Variants in CACNA1A observed in about 807,000 individuals in gnomAD.
CACNA1A encodes calcium voltage-gated channel subunit alpha1 A.
In CACNA1A, 57 loss-of-function variants were observed where a neutral mutation model predicts 262.4. That is an observed-to-expected ratio of 0.22 (90% CI 0.18 to 0.27). The LOEUF (loss-of-function observed/expected upper bound fraction) is 0.27. Among genes scored for constraint, CACNA1A ranks in the 10% least tolerant of loss-of-function variants. The pLI is 1.00. For missense variants in CACNA1A, 2,526 were observed against 3,562.8 expected, an observed-to-expected ratio of 0.71 and a Z score of 7.41; for synonymous variants, 1,431 against 1,419.3, an observed-to-expected ratio of 1.01 and a Z score of -0.18.
At chr19:13,339,271 T>C (rs961738562) in intron 6 of CACNA1A, among the ~76,000 whole-genome samples, 2 of 152,092 alleles carry the variant, frequency 1.3e-5, no homozygotes, top group African/African-American at 4.8e-5. Flanking sequence ...AATAAACCAG[T>C]CATAAAAGGG....
At position 13,377,373 on chromosome 19, in the gene CACNA1A, ATT is replaced by A. The variant is rs1169102792; in HGVS notation, c.540-5596_540-5595del. On this transcript the variant is annotated intron_variant, in intron 3 of 46. Transcript: ENST00000360228. ...TTGTTTTTATGACTTCTAACACAACATTTTTTTTTTTTTTTGAGACAGAGTCT... is the reference window on the plus strand; with the variant it reads ...TTGTTTTTATGACTTCTAACACAACATTTTTTTTTTTTTGAGACAGAGTCT... Among the ~76,000 whole-genome samples, 46 of 140,120 alleles carry A rather than the reference ATT, an allele frequency of 3.3e-4. 1 individual carries two copies. Among genetic ancestry groups the A allele is most frequent in the African/African-American group, 9.7e-4 (36 of 37,132 alleles). The allele number at this position is 140,120 out of a possible 152,430, so 91.9% of individuals were successfully genotyped here.
intron 1 of CACNA1A, among the ~76,000 whole-genome samples, chr19:13,460,461 C>T (rs947014823): frequency 2.0e-5 from 3 of 151,984 alleles, no homozygotes; most frequent in Non-Finnish European, 4.4e-5. Flanking sequence ...GAGAAGAAAC[C>T]GAAGATTTTG....
At chr19:13,323,932 T>G (rs2058304781) in intron 10 of CACNA1A, among the ~76,000 whole-genome samples, 1 of 152,282 alleles carries the variant, frequency 6.6e-6, no homozygotes, top group South Asian at 2.1e-4. Flanking sequence ...TCAGAACATC[T>G]GCACTCCCAC....
intron 6 of CACNA1A, among the ~76,000 whole-genome samples, chr19:13,346,268 G>C (rs2145187869): frequency 6.6e-6 from 1 of 151,930 alleles, no homozygotes; most frequent in East Asian, 1.9e-4. Context: ...ACTCCCCACT[G>C]GACATCTGGG....
intron 3 of CACNA1A, among the ~76,000 whole-genome samples, chr19:13,448,668 T>C (rs578052554): frequency 6.7e-4 from 102 of 152,252 alleles, no homozygotes; most frequent in African/African-American, 2.4e-3. Flanking sequence ...ATGCACACAG[T>C]ATACAACTCA....
intron 3 of CACNA1A, among the ~76,000 whole-genome samples, chr19:13,394,860 C>T (rs1335501675): frequency 6.6e-6 from 1 of 152,204 alleles, no homozygotes; most frequent in Non-Finnish European, 1.5e-5. Flanking sequence ...ACTAGAATCC[C>T]TCTTCCCTAA....
chr19:13,482,413 G>A (rs1979435310), intron 1 of CACNA1A, among the ~76,000 whole-genome samples: 1 of 151,628 alleles, frequency 6.6e-6, no homozygotes, highest in African/African-American at 2.4e-5. Flanking sequence ...AACCCAGGAG[G>A]CAGAGCTTCC....
intron 3 of CACNA1A, among the ~76,000 whole-genome samples, chr19:13,429,299 T>C (rs2060462726): frequency 6.6e-6 from 1 of 151,722 alleles, no homozygotes; most frequent in Non-Finnish European, 1.5e-5. Context: ...CTGGTTTCTC[T>C]GGGCTCCCAG....
intron 24 of CACNA1A, among the ~76,000 whole-genome samples, chr19:13,264,106 T>G (rs1355258626): frequency 6.6e-6 from 1 of 152,156 alleles, no homozygotes; most frequent in Non-Finnish European, 1.5e-5. Context: ...CTGTTGGAAC[T>G]GAGCTTAGCA....
chr19:13,267,467 C>T (rs1457302337), intron 24 of CACNA1A, among the ~76,000 whole-genome samples: 1 of 152,178 alleles, frequency 6.6e-6, no homozygotes, highest in Non-Finnish European at 1.5e-5. Flanking sequence ...AGGACAGCTG[C>T]AAAGCTGTCA....
rs1363628321 is a variant in CACNA1A at position 13,376,283 on chromosome 19, AGAG to A, written c.540-4507_540-4505del. ...TGCCATCTAGGACTTTCATAGCTAG[AGAG>A]GAGAAGTCAATGCCTGGCTTCAAAG... is the stretch of plus-strand genomic sequence containing the variant. On this transcript the variant is annotated intron_variant, in intron 3 of 46. Transcript: ENST00000360228. Among the ~76,000 whole-genome samples the A allele has an allele frequency of 3.9e-5, 6 of 152,290 alleles. No individual in the cohort carries two copies. The East Asian group carries it at 9.6e-4, about 24-fold the overall frequency.
Position 13,334,295 on chromosome 19 carries a change from A to T in CACNA1A, c.1198+83T>A, listed in dbSNP as rs2058518260. 5 of 800,508 alleles carry T rather than the reference A, an allele frequency of 6.2e-6. No individual in the cohort carries two copies. The Admixed American group carries it at 9.1e-5, about 15-fold the overall frequency. 49.6% of individuals were successfully genotyped at this position (800,508 alleles called of 1,614,324 possible). A position where few individuals can be genotyped will look rare whatever the true frequency, so the allele number is the denominator to read the frequency against. Reference sequence around the variant, plus strand: ...CCTCCCATCATAACCCTCCCAGCTTAGCCTTCTCCAAACTGCATGACTCTC... The same window carrying T: ...CCTCCCATCATAACCCTCCCAGCTTTGCCTTCTCCAAACTGCATGACTCTC... On this transcript the variant is annotated intron_variant, in intron 8 of 46. Coordinates refer to ENST00000360228, the MANE Select transcript of CACNA1A (RefSeq NM_001127222.2).
chr19:13,262,941 G>A lies in CACNA1A; in HGVS notation c.3990-108C>T. 4 of 751,148 alleles carry A rather than the reference G, an allele frequency of 5.3e-6. No individual in the cohort carries two copies. The Admixed American group carries it at 8.1e-5, about 15-fold the overall frequency. 46.5% of individuals were successfully genotyped at this position (751,148 alleles called of 1,614,324 possible). ...GGACCCTACCCTCCCAGGCCTAGAA[G>A]TCTGGGGTGAGCTTGGCACAGCCCT... is the stretch of plus-strand genomic sequence containing the variant. On this transcript the variant is annotated intron_variant, in intron 24 of 46. Transcript: ENST00000360228.
chr19:13,215,884 G>A (rs1454647704), intron 38 of CACNA1A, among the ~76,000 whole-genome samples: 4 of 152,066 alleles, frequency 2.6e-5, no homozygotes, highest in South Asian at 2.1e-4. Flanking sequence ...AGGCTGGGAC[G>A]CCCTGGAGCA....
intron 35 of CACNA1A, 29 bp downstream of exon 35, chr19:13,231,681 G>A: frequency 1.3e-6 from 2 of 1,598,552 alleles, no homozygotes. Flanking sequence ...AGGGAGCCCA[G>A]ACGGCCCTCA....
At position 13,207,490 on chromosome 19, in the gene CACNA1A, G is replaced by A. The variant is rs770109102; in HGVS notation, c.7344C>T (p.Thr2448=). ...PPVRHASSGA[T]GRSPRTPRAS... is the part of the protein sequence containing the mutation. ...CCCGGGGAGTCCTGGGCGAGCGCCC[G>A]GTGGCGCCCGAGGACGCGTGTCGTA... The change falls in exon 47 of 47, where the codon ACC becomes ACT. Residue 2448 remains threonine, a synonymous_variant. Coordinates refer to ENST00000360228, the MANE Select transcript of CACNA1A (RefSeq NM_001127222.2). This position sits in a 1 kb window ranked among gnomAD's most constrained non-coding sequence, Gnocchi z 5.7. 7.7e-6 allele frequency: 11 copies of A among 1,425,692 alleles called. No homozygotes were observed. Among genetic ancestry groups the A allele is most frequent in the South Asian group, 5.5e-5 (4 of 72,150 alleles). 88.3% of individuals were successfully genotyped at this position (1,425,692 alleles called of 1,614,324 possible).
In CACNA1A at chr19:13,365,495, A is replaced by G. The variant is rs553389236; in HGVS notation, c.632-26T>C. On this transcript the variant is annotated intron_variant, in intron 4 of 46. Coordinates refer to ENST00000360228, the MANE Select transcript of CACNA1A (RefSeq NM_001127222.2). ...CTGGGGGGACACAGAGAGAGGCCCC[A>G]TAAGCCCATGAGCAAGTACCCCCAA... 6.2e-5 allele frequency: 99 copies of G among 1,609,590 alleles called. 1 individual carries two copies. The South Asian group carries it at 1.0e-3, about 16-fold the overall frequency.
intron 10 of CACNA1A, among the ~76,000 whole-genome samples, chr19:13,319,985 C>G (rs142971932): frequency 6.6e-6 from 1 of 152,130 alleles, no homozygotes; most frequent in African/African-American, 2.4e-5. Flanking sequence ...ACATTCCACT[C>G]GGCTGCAGTT....
intron 1 of CACNA1A, among the ~76,000 whole-genome samples, chr19:13,473,217 G>A (rs144786212): frequency 2.7e-5 from 4 of 149,388 alleles, no homozygotes; most frequent in African/African-American, 1.0e-4. Flanking sequence ...TTGCACTGCT[G>A]TACTCTTGTA....
Sources: gnomAD v4.1 joint callset for allele counts (sites outside exome capture counted in the v4.1 genomes callset) on GRCh38, gnomAD v4.1.1 for gene constraint, Gnocchi (gnomAD v3.1) non-coding constraint, MANE v1.5 for transcripts, NCBI Gene and HGNC (gene_info 2026-07-23, HGNC 2026-07-21) for gene names.